Variants in KLF9 observed in about 807,000 individuals in gnomAD.
The protein encoded by KLF9 is KLF transcription factor 9, also known as Krueppel-like factor 9.
Under a neutral mutation model 17.3 loss-of-function variants are expected in KLF9, and 2 were observed. That is an observed-to-expected ratio of 0.12 (90% CI 0.05 to 0.36). KLF9 has a LOEUF of 0.36. Among genes scored for constraint, KLF9 ranks in the 10% least tolerant of loss-of-function variants. The pLI, the probability that KLF9 is intolerant of heterozygous loss-of-function variation, is 1.00. For synonymous variants in KLF9, 138 were observed against 139.2 expected (o/e 0.99, Z 0.06); for missense variants, 226 against 333.2 (o/e 0.68, Z 2.51).
intron 1 of KLF9, among the ~76,000 whole-genome samples, chr9:70,392,843 C>T (rs1337895048): frequency 6.6e-6 from 1 of 152,142 alleles, no homozygotes; most frequent in Admixed American, 6.5e-5. Flanking sequence ...AATCTTTAAA[C>T]CTGTCTTTAG....
intron 1 of KLF9, among the ~76,000 whole-genome samples, chr9:70,398,940 C>T (rs1031038096): frequency 2.0e-5 from 3 of 152,130 alleles, no homozygotes; most frequent in African/African-American, 7.2e-5. Context: ...CTCAAGTGAT[C>T]CTCCCACCTC....
At chr9:70,409,128 A>ATGTGTG (rs1219665852) in intron 1 of KLF9, among the ~76,000 whole-genome samples, 2 of 75,788 alleles carry the variant, frequency 2.6e-5, no homozygotes, top group Non-Finnish European at 3.4e-5. Flanking sequence ...ATATGTATAT[A>ATGTGTG]TGTATACATA....
At position 70,396,236 on chromosome 9, in the gene KLF9, TAGA is replaced by T. The variant is rs573018283; in HGVS notation, c.506-8234_506-8232del. Among the ~76,000 whole-genome samples, 838 of 152,108 alleles carry T rather than the reference TAGA, an allele frequency of 5.5e-3. 8 individuals are homozygous for T. The highest frequency in any genetic ancestry group is 9.3e-3 in the Non-Finnish European group (634 of 68,018). ...TTTTGGCAATTAATTTGATAATAAT[TAGA>T]TAGAGACATGAAAAGGGATACCAGC... On this transcript the variant is annotated intron_variant, in intron 1 of 1. Coordinates refer to ENST00000377126, the MANE Select transcript of KLF9 (RefSeq NM_001206.4).
At chr9:70,388,562 T>C (rs1489702378) in intron 1 of KLF9, among the ~76,000 whole-genome samples, 1 of 152,206 alleles carries the variant, frequency 6.6e-6, no homozygotes, top group African/African-American at 2.4e-5. Flanking sequence ...CCCTGGAAAG[T>C]ATTTTTTCTG....
At chr9:70,402,282 GAGTTA>G (rs1167934343) in intron 1 of KLF9, among the ~76,000 whole-genome samples, 5 of 152,130 alleles carry the variant, frequency 3.3e-5, no homozygotes, top group Admixed American at 2.0e-4. Context: ...AGAGCACAGG[GAGTTA>G]AGTCACTTTT....
At chr9:70,409,292 C>T (rs181969591) in intron 1 of KLF9, among the ~76,000 whole-genome samples, 41 of 147,924 alleles carry the variant, frequency 2.8e-4, no homozygotes, top group African/African-American at 1.0e-3. Flanking sequence ...GTTTTCTGAT[C>T]TTCAGAATCC....
Position 70,385,491 on chromosome 9 carries a change from C to T in KLF9, c.*2285G>A, listed in dbSNP as rs1446957715. 1 of 152,606 alleles carries T rather than the reference C, an allele frequency of 6.6e-6. No individual in the cohort carries two copies. Among genetic ancestry groups the T allele is most frequent in the Non-Finnish European group, 1.5e-5 (1 of 68,034 alleles). 9.5% of individuals were successfully genotyped at this position (152,606 alleles called of 1,614,324 possible). On this transcript the variant is annotated 3_prime_UTR_variant, in exon 2 of 2. Transcript: ENST00000377126. ...CATTTATATCCATCTAAGTGCTTGA[C>T]AAAAGCCACATTTAGATTTACTCCT...
At chr9:70,410,619 G>C (rs2037305257) in intron 1 of KLF9, among the ~76,000 whole-genome samples, 1 of 152,212 alleles carries the variant, frequency 6.6e-6, no homozygotes, top group African/African-American at 2.4e-5. Context: ...GCAGCACTAA[G>C]CAAGGGGGTG....
intron 1 of KLF9, among the ~76,000 whole-genome samples, chr9:70,392,416 T>C (rs1466540570): frequency 1.3e-5 from 2 of 152,184 alleles, no homozygotes; most frequent in Admixed American, 1.3e-4. Context: ...GTACGCAGGC[T>C]GGATTCTGCT....
intron 1 of KLF9, among the ~76,000 whole-genome samples, chr9:70,406,296 A>C (rs2037254519): frequency 6.6e-6 from 1 of 152,168 alleles, no homozygotes; most frequent in Admixed American, 6.5e-5. Flanking sequence ...ACACAGTATG[A>C]CCACTCACAT....
At chr9:70,403,470 T>C (rs1274026961) in intron 1 of KLF9, among the ~76,000 whole-genome samples, 3 of 152,172 alleles carry the variant, frequency 2.0e-5, no homozygotes, top group Non-Finnish European at 2.9e-5. Context: ...CTGTCTTTCC[T>C]TGGGGTTTGC....
Position 70,413,806 on chromosome 9 carries a change from G to A in KLF9, c.-443C>T, listed in dbSNP as rs1564090987. On this transcript the variant is annotated 5_prime_UTR_variant, in exon 1 of 2. Transcript: ENST00000377126. The surrounding 1 kb of genome is among the most constrained non-coding windows in gnomAD (Gnocchi z 5.6). ...TCGGCCGCCTCGCCGTCGAGCCAAA[G>A]CCCCAGGACATTCACCCGATCACCC... 3.9e-5 allele frequency: 6 copies of A among 152,734 alleles called. No individual in the cohort carries two copies. The highest frequency in any genetic ancestry group is 1.4e-4 in the African/African-American group (6 of 41,456). 9.5% of individuals were successfully genotyped at this position (152,734 alleles called of 1,614,324 possible). A position where few individuals can be genotyped will look rare whatever the true frequency, so the allele number is the denominator to read the frequency against.
At chr9:70,405,203 C>T (rs1004690555) in intron 1 of KLF9, among the ~76,000 whole-genome samples, 7 of 152,326 alleles carry the variant, frequency 4.6e-5, no homozygotes, top group African/African-American at 1.4e-4. Context: ...TTGACCATTG[C>T]CTATTCCACT....
chr9:70,390,912 C>T (rs764990797), intron 1 of KLF9, among the ~76,000 whole-genome samples: 2 of 152,188 alleles, frequency 1.3e-5, no homozygotes, highest in African/African-American at 4.8e-5. Context: ...CCTCTCTGCT[C>T]GGTCCTTTTT....
intron 1 of KLF9, among the ~76,000 whole-genome samples, chr9:70,403,854 G>A (rs1215960462): frequency 6.6e-6 from 1 of 152,086 alleles, no homozygotes; most frequent in Non-Finnish European, 1.5e-5. Flanking sequence ...ACTCCTAACC[G>A]AGGTTCATGA....
chr9:70,413,393 G>C lies in KLF9; in HGVS notation c.-30C>G. The C allele has an allele frequency of 6.8e-7, 1 of 1,463,654 alleles. No individual in the cohort carries two copies. Among genetic ancestry groups the C allele is most frequent in the Non-Finnish European group, 9.0e-7 (1 of 1,109,954 alleles). 90.7% of individuals were successfully genotyped at this position (1,463,654 alleles called of 1,614,324 possible). A position where few individuals can be genotyped will look rare whatever the true frequency, so the allele number is the denominator to read the frequency against. On this transcript the variant is annotated 5_prime_UTR_variant, in exon 1 of 2. Coordinates refer to ENST00000377126, the MANE Select transcript of KLF9 (RefSeq NM_001206.4). This position sits in a 1 kb window ranked among gnomAD's most constrained non-coding sequence, Gnocchi z 5.6. ...CGGGCGACGGCAGCCCAGGCGGCGC[G>C]GACAAACTTGGCGGTGGCTGCGGAG...
At chr9:70,412,712 T>C in intron 1 of KLF9, 147 bp downstream of exon 1, 2 of 802,698 alleles carry the variant, frequency 2.5e-6, no homozygotes, top group Non-Finnish European at 2.0e-6. Context: ...CCAATGCACA[T>C]TTAAATTATT....
chr9:70,408,938 T>C (rs1443761690), intron 1 of KLF9, among the ~76,000 whole-genome samples: 1 of 148,554 alleles, frequency 6.7e-6, no homozygotes, highest in Non-Finnish European at 1.5e-5. Flanking sequence ...TCCGGGCTTT[T>C]GTAGCCCCCA....
rs1049406861 is a variant in KLF9 at position 70,412,784 on chromosome 9, C to T, written c.505+75G>A. 2.8e-6 allele frequency: 4 copies of T among 1,429,482 alleles called. No individual in the cohort carries two copies. The East Asian group carries it at 9.2e-5, about 33-fold the overall frequency. The allele number at this position is 1,429,482 out of a possible 1,614,324, so 88.5% of individuals were successfully genotyped here. On this transcript the variant is annotated intron_variant, in intron 1 of 1. Coordinates refer to ENST00000377126, the MANE Select transcript of KLF9 (RefSeq NM_001206.4). Reference sequence around the variant, plus strand: ...ACCCTTTCGGCCGAGTGCAGTGTCCCGAACGCCCAGGAACGCTGCCTGGCC... The same window carrying T: ...ACCCTTTCGGCCGAGTGCAGTGTCCTGAACGCCCAGGAACGCTGCCTGGCC...
Sources: gnomAD v4.1 joint callset for allele counts (sites outside exome capture counted in the v4.1 genomes callset) on GRCh38, gnomAD v4.1.1 for gene constraint, Gnocchi (gnomAD v3.1) non-coding constraint, MANE v1.5 for transcripts, NCBI Gene and HGNC (gene_info 2026-07-23, HGNC 2026-07-21) for gene names.